TRMT44: variants seen among roughly 807,000 people sequenced by gnomAD.
TRMT44 encodes probable tRNA (uracil-O(2)-)-methyltransferase.
TRMT44 carries 78 observed loss-of-function variants against 77.3 expected under a neutral mutation model. The ratio of observed to expected loss-of-function variants is 1.01; its 90% CI spans 0.84 to 1.22. The LOEUF (loss-of-function observed/expected upper bound fraction) is 1.22. Ranked by LOEUF, TRMT44 falls within the 50% of genes most tolerant of loss-of-function variation. The pLI, the probability that TRMT44 is intolerant of heterozygous loss-of-function variation, is 0.00. For synonymous variants in TRMT44, 391 were observed against 383.3 expected, an observed-to-expected ratio of 1.02 and a Z score of -0.23; for missense variants, 1,090 against 964.4, an observed-to-expected ratio of 1.13 and a Z score of -1.73.
chr4:8,446,331 A>G lies in TRMT44; in HGVS notation c.620-145A>G, dbSNP rs999752032. The G allele has an allele frequency of 2.0e-5, 12 of 602,928 alleles. No individual in the cohort carries two copies. Among genetic ancestry groups the G allele is most frequent in the Non-Finnish European group, 3.2e-5 (11 of 341,594 alleles). The allele number at this position is 602,928 out of a possible 1,614,324, so 37.3% of individuals were successfully genotyped here. On this transcript the variant is annotated intron_variant, in intron 1 of 10. Coordinates refer to ENST00000389737, the MANE Select transcript of TRMT44 (RefSeq NM_152544.3). The surrounding 1 kb of genome is among the most constrained non-coding windows in gnomAD (Gnocchi z 4.3). ...GGCTGTAGCAGTGAATGAAAGGCAA[A>G]AGTTCCTCTCCTGGAGTGCCATTGT...
At chr4:8,500,406 G>A in the TRMT44 span, among the ~76,000 whole-genome samples, 1 of 150,206 alleles carries the variant, frequency 6.7e-6, no homozygotes, top group Non-Finnish European at 1.5e-5. Context: ...GCATAAGAGA[G>A]AATCGGTTGA....
chr4:8,493,078 A>G (rs560257832), intron 2 of TRMT44, among the ~76,000 whole-genome samples: 4 of 152,358 alleles, frequency 2.6e-5, no homozygotes, highest in African/African-American at 7.2e-5. Context: ...AACAAAGACA[A>G]TAACAACTCT....
rs547215836 is a variant in TRMT44 at position 8,475,006 on chromosome 4, G to T, written c.2045-766G>T. Among the ~76,000 whole-genome samples the T allele has an allele frequency of 1.0e-3, 153 of 152,308 alleles. 5 individuals are homozygous for T. The South Asian group carries it at 0.03, about 30-fold the overall frequency. On this transcript the variant is annotated intron_variant, in intron 10 of 10. Coordinates refer to ENST00000389737, the MANE Select transcript of TRMT44 (RefSeq NM_152544.3). ...GGTCCCAGTGGCACTTTCAGAGGGG[G>T]TATCTAAACTACTGCACATAGGCAG...
At chr4:8,469,578 T>C (rs1434946918) in intron 9 of TRMT44, among the ~76,000 whole-genome samples, 1 of 151,968 alleles carries the variant, frequency 6.6e-6, no homozygotes, top group Non-Finnish European at 1.5e-5. Context: ...CGGCTTTCGG[T>C]GGGTGAGGAG....
chr4:8,472,044 TTAAA>T (rs1277027658), intron 10 of TRMT44, among the ~76,000 whole-genome samples: 2 of 152,104 alleles, frequency 1.3e-5, no homozygotes, highest in Non-Finnish European at 2.9e-5. Flanking sequence ...TGTAAGTATT[TTAAA>T]GCAAATTCTA....
At chr4:8,506,544 GC>G in the TRMT44 span, among the ~76,000 whole-genome samples, 1 of 152,224 alleles carries the variant, frequency 6.6e-6, no homozygotes. Flanking sequence ...GCTGGGCTCT[GC>G]CGCATTCCAG....
the TRMT44 span, among the ~76,000 whole-genome samples, chr4:8,505,957 C>T: frequency 6.6e-6 from 1 of 152,212 alleles, no homozygotes; most frequent in Admixed American, 6.5e-5. Flanking sequence ...TTCCTGAGGA[C>T]TCCCCAACCA....
At chr4:8,492,011 G>C (rs967639604) in intron 2 of TRMT44, among the ~76,000 whole-genome samples, 1 of 152,252 alleles carries the variant, frequency 6.6e-6, no homozygotes, top group Non-Finnish European at 1.5e-5. Context: ...CCTTGTGTCT[G>C]TTAAACTCTT....
chr4:8,461,831 G>A lies in TRMT44; in HGVS notation c.1204-2154G>A, dbSNP rs1333124973. On this transcript the variant is annotated intron_variant, in intron 6 of 10. Coordinates refer to ENST00000389737, the MANE Select transcript of TRMT44 (RefSeq NM_152544.3). The surrounding 1 kb of genome is among the most constrained non-coding windows in gnomAD (Gnocchi z 4.6). ...AGAATGAGGGTGGTTCCGTTGACGTGCACATGGTGTTTGTGGATTTTCTAG... is the reference window on the plus strand; with the variant it reads ...AGAATGAGGGTGGTTCCGTTGACGTACACATGGTGTTTGTGGATTTTCTAG... Among the ~76,000 whole-genome samples, 2 of 152,184 alleles carry A rather than the reference G, an allele frequency of 1.3e-5. No individual in the cohort carries two copies. The highest frequency in any genetic ancestry group is 4.8e-5 in the African/African-American group (2 of 41,442).
intron 6 of TRMT44, among the ~76,000 whole-genome samples, chr4:8,458,284 C>T (rs1256279449): frequency 2.0e-5 from 3 of 152,164 alleles, no homozygotes; most frequent in Non-Finnish European, 2.9e-5. Context: ...CCTCTCCTGC[C>T]TCCCTTCCAC....
downstream of TRMT44, chr4:8,479,144 G>C (rs1727532854): frequency 6.6e-6 from 1 of 152,192 alleles, no homozygotes; most frequent in Non-Finnish European, 1.5e-5. Flanking sequence ...CCCGGGCCTT[G>C]TGCAGAAGAG....
At chr4:8,514,568 C>T in the TRMT44 span, among the ~76,000 whole-genome samples, 40 of 152,168 alleles carry the variant, frequency 2.6e-4, no homozygotes, top group South Asian at 6.9e-3. Flanking sequence ...TGAGCCACTG[C>T]GTGCACTACC....
In TRMT44 at chr4:8,446,429, G is replaced by A. The variant is rs994895957; in HGVS notation, c.620-47G>A. ...TTTTTAATACTGCTTCTGATGAGAC[G>A]GTAGCTAGGCAGTTGTAATTTGTCC... On this transcript the variant is annotated intron_variant, in intron 1 of 10. Coordinates refer to ENST00000389737, the MANE Select transcript of TRMT44 (RefSeq NM_152544.3). This position sits in a 1 kb window ranked among gnomAD's most constrained non-coding sequence, Gnocchi z 4.3. 5.7e-6 allele frequency: 7 copies of A among 1,217,758 alleles called. No homozygotes were observed. Among genetic ancestry groups the A allele is most frequent in the East Asian group, 5.1e-5 (2 of 39,414 alleles). 75.4% of individuals were successfully genotyped at this position (1,217,758 alleles called of 1,614,324 possible).
exon 3 of TRMT44, chr4:8,493,443 A>G (rs1335920908): frequency 6.6e-6 from 1 of 152,234 alleles, no homozygotes; most frequent in Non-Finnish European, 1.5e-5. Flanking sequence ...TCACCAAGTT[A>G]TCCTTAAAAA....
In TRMT44 at chr4:8,464,072, A is replaced by T. The variant is rs1435365026; in HGVS notation, c.1291A>T (p.Ile431Leu). The change falls in exon 7 of 11, where the codon ATA becomes TTA. Residue 431 changes from isoleucine (I) to leucine (L), a missense_variant. Transcript: ENST00000389737. The stretch of plus-strand genomic sequence containing the variant: ...CCATTCTGATGAACTCACACCATGG[A>T]TACCTGTCATTGCAGCCAGGTGAGA... ...GNHSDELTPW[I>L]PVIAARSSYN... 1 of 1,613,866 alleles carries T rather than the reference A, an allele frequency of 6.2e-7. No individual in the cohort carries two copies. The highest frequency in any genetic ancestry group is 1.3e-5 in the African/African-American group (1 of 74,922).
intron 9 of TRMT44, 26 bp from the exon 10 acceptor site, chr4:8,471,058 G>A (rs1553860855): frequency 1.2e-5 from 16 of 1,333,196 alleles, no homozygotes; most frequent in Admixed American, 4.4e-5. Flanking sequence ...TTGTTTTGGG[G>A]AAAAAAAAAA....
intron 10 of TRMT44, among the ~76,000 whole-genome samples, chr4:8,472,065 A>G (rs1727043065): frequency 6.7e-6 from 1 of 150,354 alleles, no homozygotes; most frequent in Admixed American, 6.6e-5. Flanking sequence ...TCTAGCTAGC[A>G]TGCTATTTCA....
chr4:8,456,204 T>C (rs991536036), intron 6 of TRMT44, among the ~76,000 whole-genome samples: 2 of 152,216 alleles, frequency 1.3e-5, no homozygotes, highest in African/African-American at 4.8e-5. Flanking sequence ...TCGTTCCTAC[T>C]GCAGTGAGCC....
At chr4:8,495,119 G>A (rs1728114246), downstream of TRMT44, among the ~76,000 whole-genome samples, 1 of 152,206 alleles carries the variant, frequency 6.6e-6, no homozygotes, top group Admixed American at 6.5e-5. Flanking sequence ...GGGGAAGACA[G>A]AACATTTGGA....
Sources: gnomAD v4.1 joint callset for allele counts (sites outside exome capture counted in the v4.1 genomes callset) on GRCh38, gnomAD v4.1.1 for gene constraint, Gnocchi (gnomAD v3.1) non-coding constraint, MANE v1.5 for transcripts, NCBI Gene and HGNC (gene_info 2026-07-23, HGNC 2026-07-21) for gene names.